UHRF1: variants seen among roughly 807,000 people sequenced by gnomAD.
The protein encoded by UHRF1 is E3 ubiquitin-protein ligase UHRF1.
UHRF1 carries 9 observed loss-of-function variants against 96.5 expected under a neutral mutation model. That is an observed-to-expected ratio of 0.09 (90% CI 0.06 to 0.16). The LOEUF (loss-of-function observed/expected upper bound fraction) is 0.16, where lower values mean the gene tolerates loss of function less well. Ranked by LOEUF, UHRF1 falls within the 10% of genes least tolerant of loss-of-function variation. The pLI is 1.00. For synonymous variants in UHRF1, 455 were observed against 469.9 expected, an observed-to-expected ratio of 0.97 and a Z score of 0.41; for missense variants, 626 against 1,131.1, an observed-to-expected ratio of 0.55 and a Z score of 6.40.
At chr19:4,917,652 CAAAAAAAA>C (rs754990585) in intron 2 of UHRF1, among the ~76,000 whole-genome samples, 7 of 34,350 alleles carry the variant, frequency 2.0e-4, no homozygotes, top group African/African-American at 4.5e-4. Context: ...GACTCCGTCT[CAAAAAAAA>C]AAAAAAAAAA....
chr19:4,941,116 A>C (rs1216453228), intron 5 of UHRF1, among the ~76,000 whole-genome samples: 2 of 96,980 alleles, frequency 2.1e-5, no homozygotes, highest in African/African-American at 4.6e-5. Flanking sequence ...TTTGAGACTG[A>C]GTCTTGCCCT....
chr19:4,924,186 G>A (rs1321769324), intron 2 of UHRF1, among the ~76,000 whole-genome samples: 1 of 151,998 alleles, frequency 6.6e-6, no homozygotes, highest in South Asian at 2.1e-4. Flanking sequence ...GTCTCGCTCT[G>A]TCGCCCAGGC....
chr19:4,909,700 A>AC, intron 1 of UHRF1, 45 bp downstream of exon 1: 1 of 507,236 alleles, frequency 2.0e-6, no homozygotes, highest in Non-Finnish European at 3.4e-6. Flanking sequence ...GGCCGGGCGC[A>AC]CGGGGCTCGG....
At chr19:4,921,582 C>T (rs1568411200) in intron 2 of UHRF1, among the ~76,000 whole-genome samples, 1 of 152,194 alleles carries the variant, frequency 6.6e-6, no homozygotes, top group Non-Finnish European at 1.5e-5. Flanking sequence ...TGGAGAAACC[C>T]TGTCTGTACA....
At chr19:4,941,085 G>GTTTT (rs869250736) in intron 5 of UHRF1, among the ~76,000 whole-genome samples, 307 of 49,898 alleles carry the variant, frequency 6.2e-3, no homozygotes, top group Non-Finnish European at 7.2e-3. Flanking sequence ...TCTGTGTTTT[G>GTTTT]TTTTTTTTTT....
chr19:4,911,175 G>C, intron 2 of UHRF1, 137 bp downstream of exon 2: 1 of 804,740 alleles, frequency 1.2e-6, no homozygotes, highest in Non-Finnish European at 1.8e-6. Flanking sequence ...CCCGGAAGGA[G>C]AAGTCCACAG....
chr19:4,922,936 T>G (rs1489670195), intron 2 of UHRF1, among the ~76,000 whole-genome samples: 1 of 152,196 alleles, frequency 6.6e-6, no homozygotes, highest in African/African-American at 2.4e-5. Flanking sequence ...GCCGAAGTCA[T>G]GGAGGGGCGA....
At chr19:4,927,880 C>T (rs981911503) in intron 2 of UHRF1, among the ~76,000 whole-genome samples, 1 of 152,240 alleles carries the variant, frequency 6.6e-6, no homozygotes, top group Non-Finnish European at 1.5e-5. Context: ...GAGTCCAATC[C>T]TGCTCGCACC....
chr19:4,912,548 A>G (rs1163271918), intron 2 of UHRF1, among the ~76,000 whole-genome samples: 1 of 152,128 alleles, frequency 6.6e-6, no homozygotes, highest in Non-Finnish European at 1.5e-5. Context: ...GAAAACACCT[A>G]GACACACCTG....
At chr19:4,951,977 T>A (rs568895055) in intron 13 of UHRF1, among the ~76,000 whole-genome samples, 1 of 152,242 alleles carries the variant, frequency 6.6e-6, no homozygotes, top group Non-Finnish European at 1.5e-5. Flanking sequence ...CCCGAGGGGG[T>A]CACTCAGGTT....
intron 16 of UHRF1, among the ~76,000 whole-genome samples, chr19:4,960,106 G>T (rs1014104000): frequency 3.9e-5 from 6 of 152,132 alleles, no homozygotes; most frequent in Non-Finnish European, 7.3e-5. Context: ...GCCCCCCTCG[G>T]CCTCCCAGAG....
chr19:4,934,938 G>C (rs180842520), intron 5 of UHRF1, among the ~76,000 whole-genome samples: 1 of 151,938 alleles, frequency 6.6e-6, no homozygotes, highest in African/African-American at 2.4e-5. Context: ...GAAACTATCT[G>C]GATTGTTATA....
upstream of UHRF1, among the ~76,000 whole-genome samples, chr19:4,907,181 C>G (rs2032081659): frequency 6.6e-6 from 1 of 152,206 alleles, no homozygotes; most frequent in Non-Finnish European, 1.5e-5. Context: ...TCGATCTTGG[C>G]TCACTGCAAC....
Position 4,941,794 on chromosome 19 carries a change from C to T in UHRF1, c.936C>T (p.Leu312=), listed in dbSNP as rs1394881421. The change falls in exon 7 of 17, where the codon CTC becomes CTT. Residue 312 remains leucine, a synonymous_variant. Transcript: ENST00000650932. ...CKHCKDDVNR[L]CRVCACHLCG... ...ACTGCAAGGACGACGTGAACAGACT[C>T]TGCCGGGTCTGCGCCTGCCACCTGT... 3 of 1,575,000 alleles carry T rather than the reference C, an allele frequency of 1.9e-6. No individual in the cohort carries two copies.
intron 2 of UHRF1, among the ~76,000 whole-genome samples, chr19:4,918,724 T>TC (rs1185600496): frequency 6.8e-6 from 1 of 147,968 alleles, no homozygotes; most frequent in Non-Finnish European, 1.5e-5. Context: ...GGTTTTTTTT[T>TC]TTTTTTTTTT....
chr19:4,959,085 G>GATCC (rs1428244574), intron 16 of UHRF1, among the ~76,000 whole-genome samples: 2 of 151,636 alleles, frequency 1.3e-5, no homozygotes, highest in African/African-American at 4.9e-5. Context: ...GGGCTAAAGA[G>GATCC]ATCCTCCTGC....
intron 13 of UHRF1, among the ~76,000 whole-genome samples, chr19:4,952,772 A>G (rs577418053): frequency 6.6e-6 from 1 of 152,106 alleles, no homozygotes; most frequent in South Asian, 2.1e-4. Flanking sequence ...CTGGAGAGTC[A>G]GACGTGACTT....
chr19:4,924,275 G>A (rs1321346556), intron 2 of UHRF1, among the ~76,000 whole-genome samples: 6 of 152,038 alleles, frequency 3.9e-5, no homozygotes, highest in South Asian at 2.1e-4. Flanking sequence ...TCAGCCTCCC[G>A]AGTAGCTGGG....
At chr19:4,927,112 G>A (rs1209712610) in intron 2 of UHRF1, among the ~76,000 whole-genome samples, 1 of 151,848 alleles carries the variant, frequency 6.6e-6, no homozygotes, top group South Asian at 2.1e-4. Flanking sequence ...CGGGTACTGT[G>A]GTTCATGCTG....
Sources: gnomAD v4.1 joint callset for allele counts (sites outside exome capture counted in the v4.1 genomes callset) on GRCh38, gnomAD v4.1.1 for gene constraint, MANE v1.5 for transcripts, NCBI Gene and HGNC (gene_info 2026-07-23, HGNC 2026-07-21) for gene names.